The following ROBO2 variants were observed in gnomAD, a reference collection of about 807,000 sequenced individuals.
ROBO2 encodes the protein roundabout guidance receptor 2, also known as roundabout homolog 2.
Under a neutral mutation model 160.8 loss-of-function variants are expected in ROBO2, and 53 were observed. The ratio of observed to expected loss-of-function variants is 0.33; its 90% CI spans 0.26 to 0.41. ROBO2 has a LOEUF of 0.41. ROBO2 is among the 10% of genes least tolerant of loss of function. The pLI is 1.00. For missense variants in ROBO2, 1,577 were observed against 1,722.4 expected (o/e 0.92, Z 1.49); for synonymous variants, 664 against 611.7 (o/e 1.09, Z -1.26).
chr3:75,910,738 A>G lies in ROBO2; in HGVS notation c.-14+3778A>G, dbSNP rs144049403. Among the ~76,000 whole-genome samples the G allele has an allele frequency of 4.8e-3, 725 of 152,298 alleles. 8 individuals are homozygous for G. The highest frequency in any genetic ancestry group is 0.044 in the Middle Eastern group (13 of 294). ...ATTTGCTCCTGAAGGGTAATTAAGA[A>G]TAGGTAGGAATTGTGAAGAGACTAT... On this transcript the variant is annotated intron_variant, in intron 1 of 26. Coordinates refer to the ROBO2 transcript ENST00000487694.
chr3:76,026,273 A>G (rs2066742346), intron 2 of ROBO2, among the ~76,000 whole-genome samples: 1 of 151,942 alleles, frequency 6.6e-6, no homozygotes, highest in South Asian at 2.1e-4. Context: ...GTTTTTATCT[A>G]TTTTTGGTCT....
intron 2 of ROBO2, among the ~76,000 whole-genome samples, chr3:77,218,281 A>C (rs2085247375): frequency 6.6e-6 from 1 of 151,912 alleles, no homozygotes; most frequent in African/African-American, 2.4e-5. Flanking sequence ...TTCTCATACT[A>C]ATGTATTTTG....
At chr3:76,002,998 A>G (rs911244841) in intron 2 of ROBO2, among the ~76,000 whole-genome samples, 4 of 151,934 alleles carry the variant, frequency 2.6e-5, no homozygotes, top group Non-Finnish European at 4.4e-5. Context: ...AGAACCTCCA[A>G]CTCTCCATGC....
chr3:77,542,373 C>A (rs1222369986), intron 6 of ROBO2, among the ~76,000 whole-genome samples: 1 of 152,082 alleles, frequency 6.6e-6, no homozygotes. Flanking sequence ...TAAATGTTTC[C>A]ATTTTTTCAT....
intron 2 of ROBO2, among the ~76,000 whole-genome samples, chr3:77,290,095 G>C (rs1211689261): frequency 6.6e-6 from 1 of 151,400 alleles, no homozygotes; most frequent in Non-Finnish European, 1.5e-5. Flanking sequence ...ACGGTTAAAC[G>C]GATAAGCTGA....
intron 2 of ROBO2, among the ~76,000 whole-genome samples, chr3:76,779,188 T>TA (rs2062470668): frequency 6.6e-6 from 1 of 150,988 alleles, no homozygotes; most frequent in Non-Finnish European, 1.5e-5. Flanking sequence ...TGAAGTAAGA[T>TA]TTACACATAA....
At chr3:77,208,567 T>C (rs537162365) in intron 2 of ROBO2, among the ~76,000 whole-genome samples, 1 of 152,254 alleles carries the variant, frequency 6.6e-6, no homozygotes, top group Admixed American at 6.5e-5. Flanking sequence ...CCCATTAGAC[T>C]GGACAAAATA....
rs1374707769 is a variant in ROBO2 at position 77,142,355 on chromosome 3, T to C, written c.388+44015T>C. Among the ~76,000 whole-genome samples the C allele has an allele frequency of 2.6e-5, 4 of 152,314 alleles. No homozygotes were observed. In the South Asian group the frequency reaches 6.2e-4, roughly 24 times the overall value. On this transcript the variant is annotated intron_variant, in intron 2 of 25. Transcript: ENST00000461745. ...ATACACTTGTATAGATAATTATGTT[T>C]ATTACGTATTTAAAGGATAAGAACA...
At chr3:76,371,869 T>C (rs968031953) in intron 2 of ROBO2, among the ~76,000 whole-genome samples, 17 of 151,906 alleles carry the variant, frequency 1.1e-4, no homozygotes, top group African/African-American at 4.1e-4. Context: ...ATAATATCAG[T>C]ACATAAGCCA....
intron 2 of ROBO2, among the ~76,000 whole-genome samples, chr3:76,850,668 A>C (rs796832841): frequency 6.6e-6 from 1 of 152,056 alleles, no homozygotes; most frequent in African/African-American, 2.4e-5. Context: ...CACACTTCCC[A>C]AAGACACCAG....
At chr3:76,092,204 A>AC (rs1189084419) in intron 2 of ROBO2, among the ~76,000 whole-genome samples, 2 of 152,152 alleles carry the variant, frequency 1.3e-5, no homozygotes, top group Non-Finnish European at 2.9e-5. Flanking sequence ...TTTTGTACTT[A>AC]CCACTCAATT....
At chr3:76,264,400 C>T (rs901242688) in intron 2 of ROBO2, among the ~76,000 whole-genome samples, 5 of 151,840 alleles carry the variant, frequency 3.3e-5, no homozygotes, top group Admixed American at 3.3e-4. Flanking sequence ...ATCCATGCAC[C>T]TTTCCTCGTT....
At chr3:76,840,831 C>T (rs1000937804) in intron 2 of ROBO2, among the ~76,000 whole-genome samples, 1 of 151,894 alleles carries the variant, frequency 6.6e-6, no homozygotes, top group Non-Finnish European at 1.5e-5. Flanking sequence ...CACAGTAAAA[C>T]TGCTCTAGCT....
At chr3:77,404,258 T>C (rs890356541) in intron 2 of ROBO2, among the ~76,000 whole-genome samples, 1 of 152,156 alleles carries the variant, frequency 6.6e-6, no homozygotes, top group South Asian at 2.1e-4. Flanking sequence ...ACATTAAGTG[T>C]GTGTGTATTT....
At chr3:77,376,257 C>T (rs754106883) in intron 2 of ROBO2, among the ~76,000 whole-genome samples, 10 of 146,728 alleles carry the variant, frequency 6.8e-5, no homozygotes, top group Admixed American at 2.1e-4. Context: ...CAGGTTCAAG[C>T]GATTCTCCTG....
chr3:75,913,576 C>T (rs1446640029), intron 1 of ROBO2, among the ~76,000 whole-genome samples: 1 of 152,054 alleles, frequency 6.6e-6, no homozygotes, highest in Admixed American at 6.5e-5. Flanking sequence ...AAATTAAATA[C>T]CCTTAGATTT....
At chr3:76,740,502 C>T (rs1405033121) in intron 2 of ROBO2, among the ~76,000 whole-genome samples, 4 of 151,968 alleles carry the variant, frequency 2.6e-5, no homozygotes, top group African/African-American at 4.8e-5. Flanking sequence ...AAAGCTTGAC[C>T]GATGTGTTGA....
intron 2 of ROBO2, among the ~76,000 whole-genome samples, chr3:76,905,471 A>C (rs1360423907): frequency 6.6e-6 from 1 of 152,186 alleles, no homozygotes; most frequent in African/African-American, 2.4e-5. Context: ...TTTCTTGAGG[A>C]TACTATGGTT....
intron 2 of ROBO2, among the ~76,000 whole-genome samples, chr3:76,979,835 G>C (rs2060006214): frequency 6.6e-6 from 1 of 151,754 alleles, no homozygotes. Context: ...CTTTTATTGA[G>C]TGTAAACTCA....
Sources: allele counts gnomAD v4.1 joint callset (sites outside exome capture counted in the v4.1 genomes callset), GRCh38; gene constraint gnomAD v4.1.1; transcripts MANE v1.5; gene names NCBI Gene and HGNC (gene_info 2026-07-23, HGNC 2026-07-21).